DENND5A: variants seen among roughly 807,000 people sequenced by gnomAD.
DENND5A encodes DENN domain containing 5A.
Under a neutral mutation model 140.3 loss-of-function variants are expected in DENND5A, and 64 were observed. The observed-to-expected ratio is 0.46, with a 90% confidence interval of 0.37 to 0.56. DENND5A has a LOEUF of 0.56. Among genes scored for constraint, DENND5A ranks in the 20% least tolerant of loss-of-function variants. The pLI is 0.00. For missense variants in DENND5A, 1,292 were observed against 1,593.8 expected (o/e 0.81, Z 3.22); for synonymous variants, 605 against 607.7 (o/e 1.00, Z 0.07).
In DENND5A at chr11:9,160,884, C is replaced by T. The variant is rs775996197; in HGVS notation, c.2284-19G>A. 1.9e-6 allele frequency: 3 copies of T among 1,612,614 alleles called. No individual in the cohort carries two copies. In the South Asian group the frequency reaches 3.3e-5, roughly 18 times the overall value. On this transcript the variant is annotated intron_variant, in intron 11 of 22. Coordinates refer to ENST00000328194, the MANE Select transcript of DENND5A (RefSeq NM_015213.4). ...TCTTGGTCTACAAGGAAGCAGTCAA[C>T]AGGATTAAATAACCACAGTGAGCAG... is the stretch of plus-strand genomic sequence containing the variant.
intron 4 of DENND5A, among the ~76,000 whole-genome samples, chr11:9,196,212 C>T (rs1057180759): frequency 6.6e-6 from 1 of 152,168 alleles, no homozygotes; most frequent in African/African-American, 2.4e-5. Flanking sequence ...CTCGGCCTCC[C>T]AAACTGCTGG....
At chr11:9,219,998 T>G (rs1424127540) in intron 1 of DENND5A, among the ~76,000 whole-genome samples, 1 of 152,214 alleles carries the variant, frequency 6.6e-6, no homozygotes, top group Non-Finnish European at 1.5e-5. Flanking sequence ...CCCAGGGAAT[T>G]TGATTCAAAT....
chr11:9,251,968 G>A (rs771036069), intron 1 of DENND5A, among the ~76,000 whole-genome samples: 2 of 149,608 alleles, frequency 1.3e-5, no homozygotes, highest in African/African-American at 4.9e-5. Context: ...CAGCCTGGGC[G>A]ACAGAGCGAG....
chr11:9,150,480 C>T (rs1344629718), intron 14 of DENND5A, among the ~76,000 whole-genome samples, 200 bp downstream of exon 14: 1 of 152,186 alleles, frequency 6.6e-6, no homozygotes, highest in African/African-American at 2.4e-5. Flanking sequence ...TGCTCCCTCA[C>T]CTCCAAAAAT....
chr11:9,223,638 G>A (rs549680910), intron 1 of DENND5A, among the ~76,000 whole-genome samples: 8 of 152,236 alleles, frequency 5.3e-5, no homozygotes, highest in South Asian at 2.1e-4. Flanking sequence ...AGGATTGCTC[G>A]AGCCAGGGAG....
chr11:9,147,204 A>G, intron 15 of DENND5A, 53 bp from the exon 16 acceptor site: 1 of 1,596,404 alleles, frequency 6.3e-7, no homozygotes, highest in South Asian at 1.1e-5. Flanking sequence ...AGGGAAAGAA[A>G]CTAGAATTTT....
chr11:9,207,164 A>G (rs1164872261), intron 2 of DENND5A: 1 of 458,538 alleles, frequency 2.2e-6, no homozygotes, highest in Non-Finnish European at 4.0e-6. Flanking sequence ...TCACAGAAGC[A>G]TATTTTACCT....
At chr11:9,252,388 C>A (rs1851767689) in intron 1 of DENND5A, among the ~76,000 whole-genome samples, 1 of 151,750 alleles carries the variant, frequency 6.6e-6, no homozygotes, top group South Asian at 2.1e-4. Flanking sequence ...GTGGCTCATG[C>A]CTGTAATCCC....
intron 21 of DENND5A, 27 bp downstream of exon 21, chr11:9,142,695 C>A (rs1278114495): frequency 6.2e-7 from 1 of 1,613,622 alleles, no homozygotes; most frequent in South Asian, 1.1e-5. Flanking sequence ...CATGCTTCTC[C>A]CACCCTCATA....
chr11:9,182,176 T>G (rs1848753761), intron 5 of DENND5A, among the ~76,000 whole-genome samples: 1 of 151,860 alleles, frequency 6.6e-6, no homozygotes, highest in Non-Finnish European at 1.5e-5. Context: ...AGTAGCCAGG[T>G]GTGGTGATGG....
intron 16 of DENND5A, among the ~76,000 whole-genome samples, chr11:9,146,287 T>C (rs1047151441): frequency 1.3e-5 from 2 of 152,196 alleles, no homozygotes; most frequent in Admixed American, 6.5e-5. Flanking sequence ...GCTACTTCTA[T>C]TAAGCCCACA....
At chr11:9,218,151 C>G (rs1850166826) in intron 1 of DENND5A, among the ~76,000 whole-genome samples, 1 of 150,888 alleles carries the variant, frequency 6.6e-6, no homozygotes, top group African/African-American at 2.5e-5. Flanking sequence ...CTCAGCTACT[C>G]AGGAGGCTGA....
chr11:9,197,898 C>G (rs1028458624), intron 4 of DENND5A, among the ~76,000 whole-genome samples: 3 of 152,154 alleles, frequency 2.0e-5, no homozygotes, highest in Non-Finnish European at 4.4e-5. Context: ...ATTATTTTTA[C>G]AGTAAAAGAC....
At chr11:9,166,916 T>A (rs1020598843) in intron 10 of DENND5A, among the ~76,000 whole-genome samples, 4 of 151,600 alleles carry the variant, frequency 2.6e-5, no homozygotes, top group Admixed American at 2.6e-4. Context: ...ACAGCAAATC[T>A]CAAATCTCTG....
intron 19 of DENND5A, 45 bp downstream of exon 19, chr11:9,144,052 C>A: frequency 6.3e-7 from 1 of 1,587,548 alleles, no homozygotes; most frequent in South Asian, 1.1e-5. Context: ...TCCACCCATT[C>A]CCTAGACTGT....
At chr11:9,145,311 A>C (rs60731772) in intron 17 of DENND5A, 198 bp from the exon 18 acceptor site, 9,520 of 594,786 alleles carry the variant, frequency 0.016, 618 homozygotes, top group African/African-American at 0.15. Flanking sequence ...GAAAGAAAAC[A>C]CTCTACCTAG....
intron 8 of DENND5A, chr11:9,171,021 G>T: frequency 1.7e-6 from 1 of 576,882 alleles, no homozygotes; most frequent in Non-Finnish European, 2.9e-6. Context: ...TAACAAATGA[G>T]GTAACCCCTA....
At chr11:9,174,202 T>C (rs963301640) in intron 8 of DENND5A, among the ~76,000 whole-genome samples, 1 of 141,774 alleles carries the variant, frequency 7.1e-6, no homozygotes, top group African/African-American at 2.6e-5. Context: ...AAAGAACAGA[T>C]GGGACAAATA....
chr11:9,231,317 A>G (rs1019097207), intron 1 of DENND5A, among the ~76,000 whole-genome samples: 1 of 152,230 alleles, frequency 6.6e-6, no homozygotes, highest in Non-Finnish European at 1.5e-5. Context: ...AAACGTGGCT[A>G]TACTAAGAAC....
Sources: gnomAD v4.1 joint callset for allele counts (sites outside exome capture counted in the v4.1 genomes callset) on GRCh38, gnomAD v4.1.1 for gene constraint, MANE v1.5 for transcripts, NCBI Gene and HGNC (gene_info 2026-07-23, HGNC 2026-07-21) for gene names.